The following ERC2 variants were observed in gnomAD, a reference collection of about 807,000 sequenced individuals.
ERC2 encodes the protein ELKS/RAB6-interacting/CAST family member 2.
In ERC2, 42 loss-of-function variants were observed where a neutral mutation model predicts 114.8. That is an observed-to-expected ratio of 0.37 (90% CI 0.29 to 0.47). ERC2 has a LOEUF of 0.47. Among genes scored for constraint, ERC2 ranks in the 20% least tolerant of loss-of-function variants. The pLI is 0.99. For missense variants in ERC2, 939 were observed against 1,150.7 expected, an observed-to-expected ratio of 0.82 and a Z score of 2.66; for synonymous variants, 454 against 425.5, an observed-to-expected ratio of 1.07 and a Z score of -0.82.
intron 3 of ERC2, among the ~76,000 whole-genome samples, chr3:56,281,978 C>T (rs1402018465): frequency 2.6e-5 from 4 of 152,142 alleles, no homozygotes; most frequent in Admixed American, 2.6e-4. Flanking sequence ...CCAACTGATC[C>T]GAGGGCAACT....
intron 2 of ERC2, among the ~76,000 whole-genome samples, chr3:56,327,076 A>T (rs968626014): frequency 2.0e-5 from 3 of 152,230 alleles, no homozygotes; most frequent in Admixed American, 6.5e-5. Flanking sequence ...ACCAGTTACA[A>T]CATGGTCCCA....
chr3:56,309,516 G>A (rs2873303), intron 2 of ERC2, among the ~76,000 whole-genome samples: 50,445 of 152,064 alleles, frequency 0.33, 8,548 homozygotes, highest in Admixed American at 0.34. Context: ...AACCAGTTAC[G>A]TGATCTGGGG....
In ERC2 at chr3:55,567,803, G is replaced by C. The variant is rs1203622437; in HGVS notation, c.*40-56527C>G. ...TAGAGTCATCACCCATGAAGCCAGG[G>C]GGAGGGATGAGGTCACCACGGTGAT... On this transcript the variant is annotated intron_variant, in intron 17 of 17. Coordinates refer to ENST00000288221, the MANE Select transcript of ERC2 (RefSeq NM_015576.3). 2.0e-5 allele frequency among the ~76,000 whole-genome samples: 3 copies of C among 152,172 alleles called. No homozygotes were observed. In the East Asian group the frequency reaches 5.8e-4, roughly 29 times the overall value.
chr3:55,879,034 G>A (rs1013672054), intron 14 of ERC2, among the ~76,000 whole-genome samples: 3 of 150,646 alleles, frequency 2.0e-5, no homozygotes, highest in Non-Finnish European at 3.0e-5. Flanking sequence ...TTAGAGCAGT[G>A]TCCTAAACCA....
At chr3:56,254,191 G>A (rs13081691) in intron 3 of ERC2, among the ~76,000 whole-genome samples, 69,898 of 152,078 alleles carry the variant, frequency 0.46, 16,306 homozygotes, top group Middle Eastern at 0.49. Flanking sequence ...GGATTGCTGC[G>A]GCATGATGGG....
chr3:55,662,618 C>T (rs955978498), intron 17 of ERC2, among the ~76,000 whole-genome samples: 17 of 151,936 alleles, frequency 1.1e-4, no homozygotes, highest in African/African-American at 3.9e-4. Context: ...GTGAAGGAGA[C>T]ATTCAGGTTT....
intron 3 of ERC2, among the ~76,000 whole-genome samples, chr3:56,258,498 C>A (rs933037074): frequency 6.6e-6 from 1 of 151,998 alleles, no homozygotes; most frequent in Admixed American, 6.6e-5. Flanking sequence ...ACTAAAAATA[C>A]AAAAAATTAG....
chr3:55,667,485 C>G (rs2148724702), intron 17 of ERC2, among the ~76,000 whole-genome samples: 2 of 152,314 alleles, frequency 1.3e-5, no homozygotes, highest in African/African-American at 4.8e-5. Flanking sequence ...TACATTGCAC[C>G]TGGCTATTTG....
Position 56,055,981 on chromosome 3 carries a change from A to T in ERC2, c.1641+24836T>A, listed in dbSNP as rs143560558. Among the ~76,000 whole-genome samples the T allele has an allele frequency of 3.9e-5, 6 of 152,330 alleles. No homozygotes were observed. The East Asian group carries it at 1.2e-3, about 29-fold the overall frequency. On this transcript the variant is annotated intron_variant, in intron 7 of 17. Transcript: ENST00000288221. ...AAATCTTACTTTTGCAAAATTTACAAAAACATAAACATGAGAATACACTGC... is the reference window on the plus strand; with the variant it reads ...AAATCTTACTTTTGCAAAATTTACATAAACATAAACATGAGAATACACTGC...
chr3:56,206,497 T>C (rs1051760421), intron 3 of ERC2, among the ~76,000 whole-genome samples: 7 of 152,224 alleles, frequency 4.6e-5, no homozygotes, highest in Admixed American at 6.5e-5. Context: ...AGGATAGCAA[T>C]TGTACTTTCA....
chr3:55,972,542 C>T (rs996046939), intron 12 of ERC2, among the ~76,000 whole-genome samples: 4 of 152,202 alleles, frequency 2.6e-5, no homozygotes, highest in Non-Finnish European at 4.4e-5. Flanking sequence ...GTTTTCTGTT[C>T]CTGTGTTAGT....
chr3:56,000,121 A>C (rs1424109613), intron 10 of ERC2, among the ~76,000 whole-genome samples: 3 of 152,062 alleles, frequency 2.0e-5, no homozygotes, highest in Non-Finnish European at 4.4e-5. Context: ...GGATAAAGAG[A>C]GAATTGTTTG....
intron 3 of ERC2, among the ~76,000 whole-genome samples, chr3:56,201,227 C>G (rs2048385814): frequency 6.6e-6 from 1 of 152,212 alleles, no homozygotes; most frequent in Admixed American, 6.5e-5. Context: ...TTAAATCCAG[C>G]AAACTATCTA....
rs540728711 is a variant in ERC2 at position 55,622,437 on chromosome 3, T to C, written c.*39+61357A>G. 4.6e-5 allele frequency among the ~76,000 whole-genome samples: 7 copies of C among 152,280 alleles called. No homozygotes were observed. In the East Asian group the frequency reaches 1.2e-3, roughly 25 times the overall value. On this transcript the variant is annotated intron_variant, in intron 17 of 17. Transcript: ENST00000288221. ...TCTAATGATGACAATTTGATTGAATTTGACCAAAGGAAAAAAAATAAAAAG... is the reference window on the plus strand; with the variant it reads ...TCTAATGATGACAATTTGATTGAATCTGACCAAAGGAAAAAAAATAAAAAG...
chr3:55,747,712 G>A (rs892561886), intron 14 of ERC2, among the ~76,000 whole-genome samples: 4 of 152,214 alleles, frequency 2.6e-5, no homozygotes, highest in Non-Finnish European at 1.5e-5. Flanking sequence ...TTTCACCAAT[G>A]CATCACAGCC....
chr3:55,742,792 A>C (rs770714214), intron 14 of ERC2, among the ~76,000 whole-genome samples: 10 of 152,196 alleles, frequency 6.6e-5, no homozygotes, highest in Non-Finnish European at 1.0e-4. Flanking sequence ...ATAGATGTTC[A>C]TTTGCCTAAA....
intron 6 of ERC2, among the ~76,000 whole-genome samples, chr3:56,100,648 T>G (rs1385011306): frequency 6.6e-6 from 1 of 152,212 alleles, no homozygotes; most frequent in Admixed American, 6.5e-5. Context: ...TATGGCAAAT[T>G]TCATCATATT....
At chr3:56,258,270 A>G (rs1042766684) in intron 3 of ERC2, among the ~76,000 whole-genome samples, 23 of 78,494 alleles carry the variant, frequency 2.9e-4, no homozygotes, top group Non-Finnish European at 5.7e-4. Flanking sequence ...TTTGAAGGCC[A>G]TACAGTCTCT....
intron 14 of ERC2, among the ~76,000 whole-genome samples, chr3:55,830,048 G>C (rs1418466790): frequency 6.6e-6 from 1 of 152,032 alleles, no homozygotes; most frequent in East Asian, 1.9e-4. Flanking sequence ...AAAACAAAAG[G>C]TCAAACAAAC....
Sources: allele counts gnomAD v4.1 joint callset (sites outside exome capture counted in the v4.1 genomes callset), GRCh38; gene constraint gnomAD v4.1.1; transcripts MANE v1.5; gene names NCBI Gene and HGNC (gene_info 2026-07-23, HGNC 2026-07-21).